The following TMX4 variants were observed in gnomAD, a reference collection of about 807,000 sequenced individuals.
The protein encoded by TMX4 is thioredoxin-related transmembrane protein 4.
Under a neutral mutation model 33.3 loss-of-function variants are expected in TMX4, and 23 were observed. The ratio of observed to expected loss-of-function variants is 0.69; its 90% CI spans 0.50 to 0.98. The LOEUF (loss-of-function observed/expected upper bound fraction) is 0.98, where lower values mean the gene tolerates loss of function less well. TMX4 is among the 50% of genes least tolerant of loss of function. The pLI is 0.00. For synonymous variants in TMX4, 164 were observed against 161.5 expected, an observed-to-expected ratio of 1.02 and a Z score of -0.12; for missense variants, 399 against 448.9, an observed-to-expected ratio of 0.89 and a Z score of 1.01.
At chr20:7,983,526 T>C (rs553502767) in intron 7 of TMX4, among the ~76,000 whole-genome samples, 1 of 152,094 alleles carries the variant, frequency 6.6e-6, no homozygotes, top group East Asian at 1.9e-4. Flanking sequence ...TAGTTCTAGT[T>C]AGAATAAAGG....
intron 5 of TMX4, among the ~76,000 whole-genome samples, chr20:7,989,481 G>A (rs2050645149): frequency 6.6e-6 from 1 of 152,070 alleles, no homozygotes; most frequent in Non-Finnish European, 1.5e-5. Context: ...ATTGCATTCT[G>A]ACTCAAACAC....
Position 7,979,819 on chromosome 20 carries a change from G to A in TMX4, c.*2432C>T, listed in dbSNP as rs895231313. 6.6e-6 allele frequency: 1 copy of A among 151,976 alleles called. No homozygotes were observed. 9.4% of individuals were successfully genotyped at this position (151,976 alleles called of 1,614,324 possible). On this transcript the variant is annotated 3_prime_UTR_variant, in exon 8 of 8. Coordinates refer to ENST00000246024, the MANE Select transcript of TMX4 (RefSeq NM_021156.4). ...AATATCCCTTATCCAAAATGTGTGG[G>A]ACCAGAAGTGTTTCAAATGTTTTTG...
chr20:8,013,797 A>G (rs142920827), intron 1 of TMX4: 12 of 151,884 alleles, frequency 7.9e-5, no homozygotes, highest in African/African-American at 2.7e-4. Flanking sequence ...TTCTGTCTTG[A>G]CTCTAATTTC....
At chr20:8,002,059 T>G (rs182432869) in intron 2 of TMX4, among the ~76,000 whole-genome samples, 1 of 152,212 alleles carries the variant, frequency 6.6e-6, no homozygotes, top group Middle Eastern at 3.2e-3. Flanking sequence ...AGATCATGTA[T>G]AATGTTTGTA....
intron 3 of TMX4, among the ~76,000 whole-genome samples, chr20:8,000,283 T>C (rs1232875163): frequency 6.6e-6 from 1 of 152,102 alleles, no homozygotes; most frequent in Non-Finnish European, 1.5e-5. Context: ...CATACCCCCC[T>C]TCAACCTGGC....
rs976888835 is a variant in TMX4 at position 7,985,260 on chromosome 20, T to A, written c.616-1403A>T. ...GTGTATATATATGTGTGTGTGTGTA[T>A]ATATATATATATATATATTTTTTTT... On this transcript the variant is annotated intron_variant, in intron 6 of 7. Coordinates refer to ENST00000246024, the MANE Select transcript of TMX4 (RefSeq NM_021156.4). 2.8e-5 allele frequency among the ~76,000 whole-genome samples: 3 copies of A among 108,398 alleles called. No homozygotes were observed. In the East Asian group the frequency reaches 2.3e-3, roughly 82 times the overall value. The allele number at this position is 108,398 out of a possible 152,430, so 71.1% of individuals were successfully genotyped here.
Position 7,983,845 on chromosome 20 carries a change from T to C in TMX4, c.628A>G (p.Ile210Val), listed in dbSNP as rs139553987. The change falls in exon 7 of 8, where the codon ATA becomes GTA. Residue 210 changes from isoleucine (I) to valine (V), a missense_variant. By Grantham distance (29) the Ile-to-Val change is conservative. Coordinates refer to ENST00000246024, the MANE Select transcript of TMX4 (RefSeq NM_021156.4). ...GLFMGLVLVV[I>V]SECFYVPLPR... is the part of the protein sequence containing the mutation. The stretch of plus-strand genomic sequence containing the variant: ...AGTGGCACATAGAAACATTCTGATA[T>C]TACCACCAAGACCTGGAAGGAAAAA... The C allele has an allele frequency of 2.9e-5, 46 of 1,613,574 alleles. No individual in the cohort carries two copies. The highest frequency in any genetic ancestry group is 3.5e-5 in the Non-Finnish European group (41 of 1,179,776).
At chr20:8,004,818 C>T (rs2050721577) in intron 2 of TMX4, among the ~76,000 whole-genome samples, 1 of 152,100 alleles carries the variant, frequency 6.6e-6, no homozygotes, top group Non-Finnish European at 1.5e-5. Context: ...CTAAACCTAT[C>T]CTAGCCTCAG....
intron 2 of TMX4, among the ~76,000 whole-genome samples, chr20:8,003,926 C>T (rs2050717066): frequency 6.6e-6 from 1 of 152,038 alleles, no homozygotes; most frequent in South Asian, 2.1e-4. Context: ...CAAATGACAG[C>T]CTATGTGGAA....
chr20:7,994,738 C>T (rs1448831865), intron 5 of TMX4, among the ~76,000 whole-genome samples: 3 of 152,166 alleles, frequency 2.0e-5, no homozygotes, highest in Non-Finnish European at 4.4e-5. Flanking sequence ...CAGTATAATG[C>T]TACACGGCTC....
chr20:8,016,509 A>C (rs748051703), intron 1 of TMX4, among the ~76,000 whole-genome samples: 22 of 152,230 alleles, frequency 1.4e-4, no homozygotes, highest in Non-Finnish European at 2.4e-4. Context: ...ATACATTTTT[A>C]AAACACTGGA....
Position 8,010,310 on chromosome 20 carries a change from G to A in TMX4, c.182C>T (p.Ala61Val). 1 of 1,605,508 alleles carries A rather than the reference G, an allele frequency of 6.2e-7. No individual in the cohort carries two copies. Among genetic ancestry groups the A allele is most frequent in the East Asian group, 2.2e-5 (1 of 44,666 alleles). Reference protein sequence around the residue: ...MEGEWMLKFYAPWCPSCQQTD... With the variant: ...MEGEWMLKFYVPWCPSCQQTD... ...CTGCTGGCAGGATGGACACCATGGG[G>A]CGTAACTATAAGAGAAGAATAAGAA... The change falls in exon 2 of 8, where the codon GCC becomes GTC. Residue 61 changes from alanine (A) to valine (V), a missense_variant. Ala to Val is a moderately conservative substitution (Grantham distance 64). Transcript: ENST00000246024.
At chr20:7,987,486 C>T in intron 5 of TMX4, 97 bp from the exon 6 acceptor site, 1 of 773,706 alleles carries the variant, frequency 1.3e-6, no homozygotes, top group Non-Finnish European at 2.0e-6. Context: ...TACATAGGTT[C>T]CCACAAAGCT....
chr20:8,001,397 A>T, intron 3 of TMX4, 99 bp downstream of exon 3: 1 of 1,225,742 alleles, frequency 8.2e-7, no homozygotes, highest in Non-Finnish European at 1.2e-6. Context: ...CTCACATGTT[A>T]AGCTGAATGA....
intron 3 of TMX4, among the ~76,000 whole-genome samples, chr20:8,001,280 A>G (rs1600144736): frequency 6.6e-6 from 1 of 152,110 alleles, no homozygotes; most frequent in South Asian, 2.1e-4. Context: ...GAAATCTCTG[A>G]CTTCTCCTGC....
chr20:7,979,665 G>C lies in TMX4; in HGVS notation c.*2586C>G, dbSNP rs1372009412. On this transcript the variant is annotated 3_prime_UTR_variant, in exon 8 of 8. Transcript: ENST00000246024. ...GAGGCAGGAGAATCCCTTGAACTAG[G>C]GAGGCGGAGGTTGTAGTAAGCCAAG... The C allele has an allele frequency of 6.6e-6, 1 of 151,724 alleles. No homozygotes were observed. Among genetic ancestry groups the C allele is most frequent in the African/African-American group, 2.4e-5 (1 of 41,276 alleles). The allele number at this position is 151,724 out of a possible 1,614,324, so 9.4% of individuals were successfully genotyped here.
chr20:7,999,786 T>G lies in TMX4; in HGVS notation c.413A>C (p.Lys138Thr). Residue 138 changes from lysine (K) to threonine (T), a missense_variant, in exon 4 of 8, where the codon AAG (lysine) becomes ACG (threonine). Physicochemically the swap from Lys to Thr is moderately conservative, Grantham distance 78 (BLOSUM62 -1). Coordinates refer to ENST00000246024, the MANE Select transcript of TMX4 (RefSeq NM_021156.4). ...CAGAGGCTCGACTGATTGCCATTTC[T>G]TCTCTAAGATATAATTCTGCAGGTC... is the stretch of plus-strand genomic sequence containing the variant. ...FEDLQNYILE[K>T]KWQSVEPLTG... 6.2e-7 allele frequency: 1 copy of G among 1,613,748 alleles called. No individual in the cohort carries two copies. The highest frequency in any genetic ancestry group is 8.5e-7 in the Non-Finnish European group (1 of 1,179,868).
chr20:8,017,193 T>G (rs1161184309), intron 1 of TMX4, among the ~76,000 whole-genome samples: 4 of 152,210 alleles, frequency 2.6e-5, no homozygotes, highest in Non-Finnish European at 5.9e-5. Context: ...TTCTTCAGGA[T>G]GAGCACTTGG....
intron 1 of TMX4, 90 bp from the exon 2 acceptor site, chr20:8,010,405 T>A: frequency 1.2e-6 from 1 of 833,680 alleles, no homozygotes; most frequent in Non-Finnish European, 1.7e-6. Context: ...AAAAATAAAT[T>A]ATTAAAAAAG....
Sources: allele counts gnomAD v4.1 joint callset (sites outside exome capture counted in the v4.1 genomes callset), GRCh38; gene constraint gnomAD v4.1.1; transcripts MANE v1.5; gene names NCBI Gene and HGNC (gene_info 2026-07-23, HGNC 2026-07-21).